The following AHCYL2 variants were observed in gnomAD, a reference collection of about 807,000 sequenced individuals.
AHCYL2 encodes S-adenosylhomocysteine hydrolase-like protein 2.
Under a neutral mutation model 81.4 loss-of-function variants are expected in AHCYL2, and 28 were observed. The ratio of observed to expected loss-of-function variants is 0.34; its 90% CI spans 0.25 to 0.47. AHCYL2 has a LOEUF of 0.47. Ranked by LOEUF, AHCYL2 falls within the 20% of genes least tolerant of loss-of-function variation. The probability of loss-of-function intolerance (pLI) is 1.00; values close to 1 mark genes in which losing one functional copy is unlikely to be tolerated. For missense variants in AHCYL2, 551 were observed against 785.1 expected (o/e 0.70, Z 3.56); for synonymous variants, 272 against 290.2 (o/e 0.94, Z 0.64).
At chr7:129,333,396 T>G (rs1798489462) in intron 1 of AHCYL2, among the ~76,000 whole-genome samples, 1 of 151,546 alleles carries the variant, frequency 6.6e-6, no homozygotes, top group African/African-American at 2.4e-5. Flanking sequence ...AGACTACATA[T>G]AGGTGGTCAG....
At chr7:129,270,735 A>G (rs1487030224) in intron 1 of AHCYL2, among the ~76,000 whole-genome samples, 5 of 152,222 alleles carry the variant, frequency 3.3e-5, no homozygotes, top group South Asian at 2.1e-4. Context: ...AAGTTCCTCA[A>G]AGGGTTTCCA....
intron 1 of AHCYL2, among the ~76,000 whole-genome samples, chr7:129,334,546 G>A (rs1246653539): frequency 1.3e-5 from 2 of 152,098 alleles, no homozygotes; most frequent in African/African-American, 2.4e-5. Context: ...CTACCTTGCC[G>A]GAAGCTCTGT....
chr7:129,242,117 A>G (rs776348419), intron 1 of AHCYL2, among the ~76,000 whole-genome samples: 1 of 152,066 alleles, frequency 6.6e-6, no homozygotes, highest in South Asian at 2.1e-4. Context: ...TTTTTTACTT[A>G]ACTTTAGAGT....
At chr7:129,385,885 C>G (rs1270512266) in intron 2 of AHCYL2, among the ~76,000 whole-genome samples, 1 of 152,240 alleles carries the variant, frequency 6.6e-6, no homozygotes, top group East Asian at 1.9e-4. Context: ...TTGGGTTTCT[C>G]TAAATTTTCC....
At chr7:129,349,045 C>A (rs1253958586) in intron 1 of AHCYL2, among the ~76,000 whole-genome samples, 2 of 152,190 alleles carry the variant, frequency 1.3e-5, no homozygotes, top group African/African-American at 4.8e-5. Flanking sequence ...CTCTGGCTGA[C>A]TTTTATTCCT....
intron 1 of AHCYL2, among the ~76,000 whole-genome samples, chr7:129,263,296 G>C (rs539378221): frequency 9.9e-5 from 15 of 152,150 alleles, no homozygotes; most frequent in Non-Finnish European, 1.8e-4. Context: ...AGGCATGGTA[G>C]AACCACACCA....
chr7:129,293,079 A>C (rs567284766), intron 1 of AHCYL2, among the ~76,000 whole-genome samples: 1 of 152,076 alleles, frequency 6.6e-6, no homozygotes, highest in Non-Finnish European at 1.5e-5. Context: ...CCTCCTGAGT[A>C]GCTGTGATTA....
Position 129,423,256 on chromosome 7 carries a change from C to T in AHCYL2, c.1560+318C>T, listed in dbSNP as rs142796037. On this transcript the variant is annotated intron_variant, in intron 13 of 16. Transcript: ENST00000325006. ...AGTGATGCATACAAAGAGATAATGT[C>T]ACTTGTGGGATGTTTTAATCACTAA... 7.3e-4 allele frequency among the ~76,000 whole-genome samples: 111 copies of T among 152,296 alleles called. 1 individual carries two copies. The highest frequency in any genetic ancestry group is 2.6e-3 in the African/African-American group (108 of 41,560).
At chr7:129,260,812 G>A (rs1348802683) in intron 1 of AHCYL2, among the ~76,000 whole-genome samples, 3 of 151,194 alleles carry the variant, frequency 2.0e-5, no homozygotes, top group Non-Finnish European at 2.9e-5. Flanking sequence ...TTTTTGAGAC[G>A]GAGTCTTGCC....
rs1794867562 is a variant in AHCYL2 at position 129,379,805 on chromosome 7, T to C, written c.475+56T>C. ...TTGAGGCTAATAAGTACGATCTCAA[T>C]GGGCCCTCCTGTCTATCCAAGGCTA... On this transcript the variant is annotated intron_variant, in intron 2 of 16. Coordinates refer to ENST00000325006, the MANE Select transcript of AHCYL2 (RefSeq NM_015328.4). 30 of 1,338,776 alleles carry C rather than the reference T, an allele frequency of 2.2e-5. No individual in the cohort carries two copies. In the South Asian group the frequency reaches 3.8e-4, roughly 17 times the overall value. 82.9% of individuals were successfully genotyped at this position (1,338,776 alleles called of 1,614,324 possible). A position where few individuals can be genotyped will look rare whatever the true frequency, so the allele number is the denominator to read the frequency against.
intron 1 of AHCYL2, among the ~76,000 whole-genome samples, chr7:129,288,582 A>G (rs1796723671): frequency 1.3e-5 from 2 of 150,906 alleles, no homozygotes; most frequent in South Asian, 4.2e-4. Flanking sequence ...CTGGTCTCGA[A>G]CTCCTGACCT....
intron 1 of AHCYL2, among the ~76,000 whole-genome samples, chr7:129,231,932 T>G (rs1406891047): frequency 6.6e-6 from 1 of 152,166 alleles, no homozygotes; most frequent in Non-Finnish European, 1.5e-5. Flanking sequence ...CTGGTGATTT[T>G]ATTTTCTTTT....
At chr7:129,344,205 T>G (rs1026119876) in intron 1 of AHCYL2, among the ~76,000 whole-genome samples, 5 of 152,150 alleles carry the variant, frequency 3.3e-5, no homozygotes, top group African/African-American at 1.2e-4. Context: ...ATTTAATATA[T>G]TCTTACCAGG....
At chr7:129,255,194 G>A (rs1795370573) in intron 1 of AHCYL2, among the ~76,000 whole-genome samples, 1 of 152,124 alleles carries the variant, frequency 6.6e-6, no homozygotes, top group Admixed American at 6.5e-5. Flanking sequence ...CTGGGAGGTG[G>A]AGGTTGCAGT....
intron 1 of AHCYL2, among the ~76,000 whole-genome samples, chr7:129,340,982 A>G (rs1444764637): frequency 6.6e-6 from 1 of 152,146 alleles, no homozygotes; most frequent in African/African-American, 2.4e-5. Flanking sequence ...CCTTTGTTGT[A>G]CTGCCCTTGT....
At chr7:129,315,939 T>G (rs1797813188) in intron 1 of AHCYL2, among the ~76,000 whole-genome samples, 1 of 152,218 alleles carries the variant, frequency 6.6e-6, no homozygotes, top group Non-Finnish European at 1.5e-5. Flanking sequence ...AATTCTACTC[T>G]TGTTTCAGAG....
At chr7:129,347,851 C>T (rs1233547409) in intron 1 of AHCYL2, among the ~76,000 whole-genome samples, 1 of 152,102 alleles carries the variant, frequency 6.6e-6, no homozygotes, top group Non-Finnish European at 1.5e-5. Context: ...TATCCCTTAC[C>T]TTGTTTACTT....
intron 1 of AHCYL2, among the ~76,000 whole-genome samples, chr7:129,367,488 T>G (rs1186581120): frequency 1.3e-5 from 2 of 152,178 alleles, no homozygotes; most frequent in Non-Finnish European, 2.9e-5. Context: ...TATGGAGAGA[T>G]AAAGCAGAAA....
chr7:129,350,714 C>CTTTTTT (rs56115169), intron 1 of AHCYL2, among the ~76,000 whole-genome samples: 2 of 122,142 alleles, frequency 1.6e-5, no homozygotes, highest in Non-Finnish European at 1.7e-5. Flanking sequence ...TTCTTTCTTT[C>CTTTTTT]TTTTTTTTTT....
Sources: allele counts gnomAD v4.1 joint callset (sites outside exome capture counted in the v4.1 genomes callset), GRCh38; gene constraint gnomAD v4.1.1; transcripts MANE v1.5; gene names NCBI Gene and HGNC (gene_info 2026-07-23, HGNC 2026-07-21).